The following MED27 variants were observed in gnomAD, a reference collection of about 807,000 sequenced individuals.
MED27 encodes mediator complex subunit 27, also known as mediator of RNA polymerase II transcription subunit 27.
A neutral mutation model predicts 38.2 loss-of-function variants in MED27; 30 were observed. That is an observed-to-expected ratio of 0.79 (90% CI 0.59 to 1.07). The LOEUF is 1.07. Among genes scored for constraint, MED27 ranks in the 50% least tolerant of loss-of-function variants. The pLI is 0.00. For synonymous variants in MED27, 122 were observed against 153.5 expected, an observed-to-expected ratio of 0.79 and a Z score of 1.52; for missense variants, 289 against 397.5, an observed-to-expected ratio of 0.73 and a Z score of 2.32.
rs954638545 is a variant in MED27, at chr9:131,861,334, A to G, written c.802-662T>C. Among the ~76,000 whole-genome samples the G allele has an allele frequency of 1.3e-5, 2 of 152,210 alleles. No individual in the cohort carries two copies. Among genetic ancestry groups the G allele is most frequent in the Admixed American group, 1.3e-4 (2 of 15,278 alleles). On this transcript the variant is annotated intron_variant, in intron 7 of 7. Transcript: ENST00000292035. The surrounding 1 kb of genome is among the most constrained non-coding windows in gnomAD (Gnocchi z 4.4). ...CGTAACTCAATTCTCAAACACAAGG[A>G]GATTCACTACCAAAGAAAAAAATAC...
At chr9:131,895,508 T>C (rs1374868102) in intron 4 of MED27, among the ~76,000 whole-genome samples, 1 of 152,192 alleles carries the variant, frequency 6.6e-6, no homozygotes, top group Non-Finnish European at 1.5e-5. Flanking sequence ...ACCTTCCTCT[T>C]TCCTTGATTA....
At chr9:131,865,671 C>T (rs1308743837) in intron 6 of MED27, among the ~76,000 whole-genome samples, 2 of 152,212 alleles carry the variant, frequency 1.3e-5, no homozygotes, top group East Asian at 3.8e-4. Flanking sequence ...GCGATAGGAA[C>T]GTCAGTCCCT....
At chr9:132,015,397 C>T (rs1342560457) in intron 2 of MED27, among the ~76,000 whole-genome samples, 7 of 152,202 alleles carry the variant, frequency 4.6e-5, no homozygotes, top group Non-Finnish European at 8.8e-5. Context: ...GGATAGATAA[C>T]TTTACTTCTC....
intron 2 of MED27, among the ~76,000 whole-genome samples, chr9:132,052,849 T>C (rs1589291287): frequency 6.6e-6 from 1 of 152,358 alleles, no homozygotes; most frequent in South Asian, 2.1e-4. Context: ...AATTTCATTT[T>C]TCGTGGCTTA....
chr9:131,878,773 G>A (rs1427785232), intron 6 of MED27, among the ~76,000 whole-genome samples: 8 of 152,150 alleles, frequency 5.3e-5, no homozygotes, highest in Non-Finnish European at 1.5e-5. Flanking sequence ...ATATGAACAC[G>A]CTTGAAACCT....
intron 2 of MED27, among the ~76,000 whole-genome samples, chr9:132,029,307 T>C (rs896706666): frequency 1.3e-5 from 2 of 152,234 alleles, no homozygotes; most frequent in Non-Finnish European, 2.9e-5. Flanking sequence ...TTTCAATCTT[T>C]ATAAAAAAGA....
At position 131,860,496 on chromosome 9, in the gene MED27, G is replaced by A. The variant is rs1166196505; in HGVS notation, c.*42C>T. 3 of 1,472,724 alleles carry A rather than the reference G, an allele frequency of 2.0e-6. No homozygotes were observed. Among genetic ancestry groups the A allele is most frequent in the Admixed American group, 2.6e-5 (1 of 37,798 alleles). 91.2% of individuals were successfully genotyped at this position (1,472,724 alleles called of 1,614,324 possible). On this transcript the variant is annotated 3_prime_UTR_variant, in exon 8 of 8. Transcript: ENST00000292035. The surrounding 1 kb of genome is among the most constrained non-coding windows in gnomAD (Gnocchi z 5.8). ...TTCTGTGGGCTTCCTGCGTGTCTGGGAAGGTGCTGGGTGGGGTCTGAGGCT... is the reference window on the plus strand; with the variant it reads ...TTCTGTGGGCTTCCTGCGTGTCTGGAAAGGTGCTGGGTGGGGTCTGAGGCT...
At chr9:131,927,696 C>T (rs1413263242) in intron 4 of MED27, among the ~76,000 whole-genome samples, 1 of 152,108 alleles carries the variant, frequency 6.6e-6, no homozygotes, top group Non-Finnish European at 1.5e-5. Context: ...CTGGTGCTTC[C>T]AGGCCAACAA....
chr9:132,076,232 ATT>A (rs905441459), intron 2 of MED27, among the ~76,000 whole-genome samples: 6 of 151,962 alleles, frequency 3.9e-5, no homozygotes, highest in Admixed American at 2.6e-4. Context: ...CTCCCTGAAC[ATT>A]TTAGTTCCTT....
chr9:131,988,477 A>C (rs187365955), intron 3 of MED27, among the ~76,000 whole-genome samples: 1 of 152,350 alleles, frequency 6.6e-6, no homozygotes, highest in East Asian at 1.9e-4. Context: ...ATGCGGATGA[A>C]GGCTTTTATG....
rs1433540314 is a variant in MED27, at chr9:132,051,406, C to CA, written c.348+26035dup. ...GAAAAAAGAGGGCTTGTCTTGGCCACAGAGTCCAAGGCTCCCTGTCTCAGA... is the reference window on the plus strand; with the variant it reads ...GAAAAAAGAGGGCTTGTCTTGGCCACAAGAGTCCAAGGCTCCCTGTCTCAGA... On this transcript the variant is annotated intron_variant, in intron 2 of 7. Coordinates refer to ENST00000292035, the MANE Select transcript of MED27 (RefSeq NM_004269.4). The surrounding 1 kb of genome is among the most constrained non-coding windows in gnomAD (Gnocchi z 4.2). Among the ~76,000 whole-genome samples, 4 of 152,202 alleles carry CA rather than the reference C, an allele frequency of 2.6e-5. No homozygotes were observed. The highest frequency in any genetic ancestry group is 5.9e-5 in the Non-Finnish European group (4 of 68,040).
chr9:131,984,571 T>G (rs1410909548), intron 3 of MED27, among the ~76,000 whole-genome samples: 1 of 152,128 alleles, frequency 6.6e-6, no homozygotes, highest in East Asian at 1.9e-4. Flanking sequence ...ACAGAGATCT[T>G]AAAAAGGTGT....
chr9:131,937,727 T>C (rs1356194793), intron 4 of MED27, among the ~76,000 whole-genome samples: 5 of 152,226 alleles, frequency 3.3e-5, no homozygotes, highest in Non-Finnish European at 5.9e-5. Flanking sequence ...TCATTAACTC[T>C]CTGGGGCCCT....
At chr9:132,013,644 T>G (rs1012660912) in intron 3 of MED27, among the ~76,000 whole-genome samples, 2 of 152,212 alleles carry the variant, frequency 1.3e-5, no homozygotes, top group Non-Finnish European at 2.9e-5. Context: ...CTCTAGCAGG[T>G]TCTCTAGGTG....
chr9:132,001,520 A>G (rs1193525267), intron 3 of MED27, among the ~76,000 whole-genome samples: 2 of 152,244 alleles, frequency 1.3e-5, no homozygotes, highest in Non-Finnish European at 2.9e-5. Context: ...AACCACTATT[A>G]TAAAATGAAA....
intron 2 of MED27, among the ~76,000 whole-genome samples, chr9:132,026,644 T>C (rs1280605611): frequency 6.6e-6 from 1 of 152,202 alleles, no homozygotes. Flanking sequence ...TGGACATGAA[T>C]GGACATACAA....
rs1354678240 is a variant in MED27 at position 131,889,933 on chromosome 9, TGCGTCCCGG to T, written c.681+3943_681+3951del. 6.6e-6 allele frequency among the ~76,000 whole-genome samples: 1 copy of T among 152,168 alleles called. No homozygotes were observed. The highest frequency in any genetic ancestry group is 3.2e-3 in the Middle Eastern group (1 of 316). On this transcript the variant is annotated intron_variant, in intron 5 of 7. Transcript: ENST00000292035. The surrounding 1 kb of genome is among the most constrained non-coding windows in gnomAD (Gnocchi z 4.2). ...AGGCACCAACTCAGCAAACGCAGGC[TGCGTCCCGG>T]GAGCAGCGACGTCTCCAGCAACAAC...
chr9:131,929,022 A>G (rs535774736), intron 4 of MED27, among the ~76,000 whole-genome samples: 1 of 152,320 alleles, frequency 6.6e-6, no homozygotes, highest in East Asian at 1.9e-4. Context: ...TGCATCTTGG[A>G]CATCAGCTCA....
At chr9:132,059,386 A>C (rs1399437627) in intron 2 of MED27, among the ~76,000 whole-genome samples, 2 of 152,234 alleles carry the variant, frequency 1.3e-5, no homozygotes, top group Non-Finnish European at 2.9e-5. Context: ...TGATCCTCTC[A>C]GGTTGACACA....
Sources: allele counts gnomAD v4.1 joint callset (sites outside exome capture counted in the v4.1 genomes callset), GRCh38; gene constraint gnomAD v4.1.1; non-coding constraint Gnocchi (gnomAD v3.1); transcripts MANE v1.5; gene names NCBI Gene and HGNC (gene_info 2026-07-23, HGNC 2026-07-21).